Variants in CEP97 observed in about 807,000 individuals in gnomAD.
The protein encoded by CEP97 is centrosomal protein of 97 kDa.
CEP97 carries 43 observed loss-of-function variants against 73.1 expected under a neutral mutation model. The ratio of observed to expected loss-of-function variants is 0.59; its 90% confidence interval spans 0.46 to 0.76. The LOEUF (loss-of-function observed/expected upper bound fraction) is 0.76. CEP97 is among the 30% of genes least tolerant of loss of function. CEP97 has a pLI of 0.00. For synonymous variants in CEP97, 337 were observed against 370.0 expected, an observed-to-expected ratio of 0.91 and a Z score of 1.02; for missense variants, 939 against 1,014.0, an observed-to-expected ratio of 0.93 and a Z score of 1.00.
chr3:101,744,326 G>A (rs1368220576), intron 6 of CEP97, among the ~76,000 whole-genome samples: 4 of 152,082 alleles, frequency 2.6e-5, no homozygotes, highest in Non-Finnish European at 4.4e-5. Flanking sequence ...GTTCATGCCT[G>A]TAATCCTAGC....
intron 6 of CEP97, among the ~76,000 whole-genome samples, chr3:101,752,765 C>T (rs1560017527): frequency 1.3e-5 from 2 of 152,202 alleles, no homozygotes; most frequent in South Asian, 4.1e-4. Flanking sequence ...AAGCACTTCT[C>T]TGTATTGATT....
intron 9 of CEP97, among the ~76,000 whole-genome samples, chr3:101,760,419 T>C (rs968885981): frequency 3.1e-4 from 47 of 152,330 alleles, no homozygotes; most frequent in African/African-American, 1.1e-3. Context: ...TCTGGTCTGA[T>C]TCAGGCATGG....
chr3:101,733,523 T>A (rs892989468), intron 6 of CEP97, among the ~76,000 whole-genome samples: 9 of 151,942 alleles, frequency 5.9e-5, no homozygotes, highest in Admixed American at 1.3e-4. Flanking sequence ...CTTTTTTTTT[T>A]ATTTTTTTAT....
chr3:101,753,341 AG>A (rs1481840235), intron 6 of CEP97, among the ~76,000 whole-genome samples: 4 of 152,190 alleles, frequency 2.6e-5, no homozygotes, highest in African/African-American at 4.8e-5. Flanking sequence ...CTCAGGGGTC[AG>A]GGGTCAGGGG....
chr3:101,737,036 G>T (rs1938301603), intron 6 of CEP97, among the ~76,000 whole-genome samples: 1 of 152,192 alleles, frequency 6.6e-6, no homozygotes, highest in African/African-American at 2.4e-5. Context: ...CGAGAACTTT[G>T]TGAAGCATAC....
intron 6 of CEP97, among the ~76,000 whole-genome samples, chr3:101,733,743 T>C (rs11708611): frequency 2.1e-4 from 32 of 151,840 alleles, no homozygotes; most frequent in African/African-American, 7.7e-4. Context: ...TTTTAGCCGG[T>C]ATGGTCTCGA....
chr3:101,754,896 A>AT (rs370049971), intron 6 of CEP97, among the ~76,000 whole-genome samples: 32,297 of 138,970 alleles, frequency 0.23, 4,037 homozygotes, highest in East Asian at 0.48. Flanking sequence ...TTCAGGTTTG[A>AT]TTTTTTTTTT....
intron 8 of CEP97, among the ~76,000 whole-genome samples, 168 bp downstream of exon 8, chr3:101,757,364 G>A (rs186139092): frequency 4.7e-4 from 71 of 152,240 alleles, no homozygotes; most frequent in African/African-American, 1.6e-3. Context: ...ATATATGTAT[G>A]TATATTATAA....
intron 4 of CEP97, among the ~76,000 whole-genome samples, chr3:101,730,673 A>G (rs1026929667): frequency 6.6e-6 from 1 of 151,954 alleles, no homozygotes; most frequent in South Asian, 2.1e-4. Flanking sequence ...AACATGTAGC[A>G]TGTAGCACTT....
rs778896488 is a variant in CEP97 at position 101,757,785 on chromosome 3, G to T, written c.1179G>T (p.Lys393Asn). The T allele has an allele frequency of 6.2e-7, 1 of 1,614,240 alleles. No individual in the cohort carries two copies. The highest frequency in any genetic ancestry group is 8.5e-7 in the Non-Finnish European group (1 of 1,180,034). Residue 393 changes from lysine (K) to asparagine (N), a missense_variant, in exon 9 of 11, where the codon AAG becomes AAT. Lys to Asn is a moderately conservative substitution (Grantham distance 94). Transcript: ENST00000341893. ...AAGACATACAGACGGATGAGGACAA[G>T]TTAAACTGTAGTCTTCTCTCTTCAG... ...HLEDIQTDED[K>N]LNCSLLSSES...
intron 6 of CEP97, among the ~76,000 whole-genome samples, chr3:101,737,735 C>T (rs1317656470): frequency 6.6e-6 from 1 of 152,190 alleles, no homozygotes; most frequent in African/African-American, 2.4e-5. Context: ...ACTGCAAAAA[C>T]ATACCAAATT....
At chr3:101,739,066 C>A (rs1210799852) in intron 6 of CEP97, among the ~76,000 whole-genome samples, 1 of 152,166 alleles carries the variant, frequency 6.6e-6, no homozygotes, top group Non-Finnish European at 1.5e-5. Context: ...AACTAGAAAT[C>A]TAGAAGAAAT....
chr3:101,756,078 T>A (rs1213820230), intron 7 of CEP97, among the ~76,000 whole-genome samples: 1 of 151,706 alleles, frequency 6.6e-6, no homozygotes, highest in Non-Finnish European at 1.5e-5. Context: ...TTTTTTTTTT[T>A]AAGACATAAT....
intron 6 of CEP97, among the ~76,000 whole-genome samples, chr3:101,749,587 T>C (rs1301167030): frequency 2.7e-4 from 35 of 129,470 alleles, no homozygotes; most frequent in East Asian, 4.2e-4. Context: ...TCCACAATGG[T>C]TGAACTAGTT....
At position 101,765,680 on chromosome 3, in the gene CEP97, T is replaced by C. The variant is rs948193733; in HGVS notation, c.*129T>C. Reference sequence around the variant, plus strand: ...ACTACTTATATAGAATTTGTATTCATGTCTTATATTTTTCAGATTCTAGAT... The same window carrying C: ...ACTACTTATATAGAATTTGTATTCACGTCTTATATTTTTCAGATTCTAGAT... On this transcript the variant is annotated 3_prime_UTR_variant, in exon 11 of 11. Coordinates refer to ENST00000341893, the MANE Select transcript of CEP97 (RefSeq NM_024548.4). 1.7e-5 allele frequency: 12 copies of C among 686,356 alleles called. No individual in the cohort carries two copies. In the African/African-American group the frequency reaches 2.2e-4, roughly 12 times the overall value. The allele number at this position is 686,356 out of a possible 1,614,324, so 42.5% of individuals were successfully genotyped here. A position where few individuals can be genotyped will look rare whatever the true frequency, so the allele number is the denominator to read the frequency against.
chr3:101,757,136 G>T lies in CEP97; in HGVS notation c.967G>T (p.Ala323Ser), dbSNP rs756290846. ...LSPLVPVETRASLIPEHSSPV... is the reference protein window; with the variant it reads ...LSPLVPVETRSSLIPEHSSPV... ...TCCTCTTGTTCCTGTTGAAACAAGG[G>T]CATCCCTTATTCCTGAGCATTCAAG... Residue 323 changes from alanine to serine, a missense_variant, in exon 8 of 11, where the codon GCA (alanine) becomes TCA (serine). Coordinates refer to ENST00000341893, the MANE Select transcript of CEP97 (RefSeq NM_024548.4). The T allele has an allele frequency of 4.3e-6, 7 of 1,613,432 alleles. No homozygotes were observed. The East Asian group carries it at 8.9e-5, about 21-fold the overall frequency.
chr3:101,726,472 A>G (rs1937891577), intron 1 of CEP97, 122 bp from the exon 2 acceptor site: 2 of 546,160 alleles, frequency 3.7e-6, no homozygotes, highest in Non-Finnish European at 5.8e-6. Context: ...GTTGATATTT[A>G]TTATGCTCTA....
At chr3:101,744,644 G>A (rs892424892) in intron 6 of CEP97, among the ~76,000 whole-genome samples, 26 of 134,746 alleles carry the variant, frequency 1.9e-4, no homozygotes, top group Non-Finnish European at 3.9e-4. Context: ...GGTTGGTGCC[G>A]TGCTAGAGAC....
chr3:101,730,231 T>G (rs4257519), intron 4 of CEP97, among the ~76,000 whole-genome samples: 23,826 of 144,994 alleles, frequency 0.16, 2,452 homozygotes, highest in Middle Eastern at 0.31. Flanking sequence ...CGAGTCTGTT[T>G]TTTTGTTTTG....
Sources: gnomAD v4.1 joint callset for allele counts (sites outside exome capture counted in the v4.1 genomes callset) on GRCh38, gnomAD v4.1.1 for gene constraint, MANE v1.5 for transcripts, NCBI Gene and HGNC (gene_info 2026-07-23, HGNC 2026-07-21) for gene names.